The following SYNPR variants were observed in gnomAD, a reference collection of about 807,000 sequenced individuals.
SYNPR encodes synaptoporin.
SYNPR carries 23 observed loss-of-function variants against 32.9 expected under a neutral mutation model. The ratio of observed to expected loss-of-function variants is 0.70; its 90% CI spans 0.50 to 0.99. The LOEUF (loss-of-function observed/expected upper bound fraction) is 0.99, where lower values mean the gene tolerates loss of function less well. Among genes scored for constraint, SYNPR ranks in the 50% least tolerant of loss-of-function variants. The pLI is 0.00. For synonymous variants in SYNPR, 146 were observed against 135.9 expected (o/e 1.07, Z -0.52); for missense variants, 318 against 349.3 (o/e 0.91, Z 0.71).
At chr3:63,419,629 A>G (rs1223052477) in intron 2 of SYNPR, among the ~76,000 whole-genome samples, 2 of 152,228 alleles carry the variant, frequency 1.3e-5, no homozygotes, top group Non-Finnish European at 2.9e-5. Flanking sequence ...AAACTAAAAA[A>G]TCTAGCAACT....
chr3:63,468,930 T>C (rs1475036962), intron 2 of SYNPR, among the ~76,000 whole-genome samples: 3 of 152,332 alleles, frequency 2.0e-5, no homozygotes, highest in African/African-American at 7.2e-5. Context: ...AAGTGACATT[T>C]CTTTGCTTAA....
chr3:63,478,872 A>T (rs770575790), intron 2 of SYNPR, among the ~76,000 whole-genome samples: 1 of 152,216 alleles, frequency 6.6e-6, no homozygotes, highest in Non-Finnish European at 1.5e-5. Flanking sequence ...GGGTTGGGAC[A>T]TCCAGTGTTG....
At chr3:63,448,488 C>T (rs1257899435) in intron 2 of SYNPR, among the ~76,000 whole-genome samples, 2 of 152,198 alleles carry the variant, frequency 1.3e-5, no homozygotes, top group Non-Finnish European at 2.9e-5. Context: ...ATTCACTTCT[C>T]AATGTTGAAC....
At chr3:63,525,374 C>T (rs1416380603) in intron 3 of SYNPR, among the ~76,000 whole-genome samples, 1 of 152,200 alleles carries the variant, frequency 6.6e-6, no homozygotes, top group Non-Finnish European at 1.5e-5. Context: ...AGCCCCAAAT[C>T]TCTGCAGTTG....
At chr3:63,235,613 C>T (rs925708055) in intron 1 of SYNPR, among the ~76,000 whole-genome samples, 5 of 152,132 alleles carry the variant, frequency 3.3e-5, no homozygotes, top group East Asian at 1.9e-4. Context: ...CTTTGAACCA[C>T]GCATTGAGAT....
At chr3:63,338,148 T>C (rs2087318459) in intron 2 of SYNPR, among the ~76,000 whole-genome samples, 1 of 152,212 alleles carries the variant, frequency 6.6e-6, no homozygotes, top group Non-Finnish European at 1.5e-5. Context: ...CTGTACTTTC[T>C]GTTAAAATTT....
chr3:63,526,158 A>T (rs911749258), intron 3 of SYNPR, among the ~76,000 whole-genome samples: 1 of 152,220 alleles, frequency 6.6e-6, no homozygotes, highest in African/African-American at 2.4e-5. Context: ...TCCACTACCA[A>T]CATTGGGGAT....
At chr3:63,321,107 T>C (rs2087106802) in intron 2 of SYNPR, among the ~76,000 whole-genome samples, 1 of 152,080 alleles carries the variant, frequency 6.6e-6, no homozygotes, top group South Asian at 2.1e-4. Context: ...ACTACAATTT[T>C]AGTTTATACC....
chr3:63,371,233 C>T (rs975161918), intron 2 of SYNPR, among the ~76,000 whole-genome samples: 2 of 151,978 alleles, frequency 1.3e-5, no homozygotes, highest in Non-Finnish European at 2.9e-5. Context: ...CCCCTGTGAG[C>T]CCACCCCACA....
intron 3 of SYNPR, among the ~76,000 whole-genome samples, chr3:63,500,268 C>T (rs1321449382): frequency 6.6e-6 from 1 of 152,108 alleles, no homozygotes; most frequent in Non-Finnish European, 1.5e-5. Context: ...AAAGAGCAGT[C>T]CTCTATGCCT....
intron 2 of SYNPR, among the ~76,000 whole-genome samples, chr3:63,398,011 G>A (rs1028962314): frequency 1.3e-5 from 2 of 152,210 alleles, no homozygotes; most frequent in Non-Finnish European, 2.9e-5. Context: ...ATGGACAGAG[G>A]ATGGAAAAGC....
In SYNPR at chr3:63,403,147, C is replaced by T. The variant is rs139573526; in HGVS notation, c.85-77685C>T. On this transcript the variant is annotated intron_variant, in intron 2 of 5. Coordinates refer to ENST00000478300, the MANE Select transcript of SYNPR (RefSeq NM_001130003.2). ...AATTCTGTAGTTCCTCCCACTAAAGCGTATTTTCTTGCATCTTGTCTTTGT... is the reference window on the plus strand; with the variant it reads ...AATTCTGTAGTTCCTCCCACTAAAGTGTATTTTCTTGCATCTTGTCTTTGT... 2.7e-3 allele frequency among the ~76,000 whole-genome samples: 412 copies of T among 152,164 alleles called. 2 individuals are homozygous for T. The highest frequency in any genetic ancestry group is 9.0e-3 in the African/African-American group (373 of 41,510).
At chr3:63,372,687 T>C (rs953426059) in intron 2 of SYNPR, among the ~76,000 whole-genome samples, 1 of 152,170 alleles carries the variant, frequency 6.6e-6, no homozygotes, top group African/African-American at 2.4e-5. Context: ...TGAAAAGTCC[T>C]CTGCCACAAC....
intron 2 of SYNPR, among the ~76,000 whole-genome samples, chr3:63,369,122 C>T (rs2087765082): frequency 6.6e-6 from 1 of 152,058 alleles, no homozygotes; most frequent in South Asian, 2.1e-4. Context: ...GAACTTAATC[C>T]AATATGACTG....
At chr3:63,519,138 T>C (rs1016403800) in intron 3 of SYNPR, among the ~76,000 whole-genome samples, 14 of 152,202 alleles carry the variant, frequency 9.2e-5, no homozygotes, top group African/African-American at 3.1e-4. Context: ...ATTAGTTTTT[T>C]GATGTGCTGC....
At chr3:63,555,887 C>T (rs910280043) in intron 3 of SYNPR, among the ~76,000 whole-genome samples, 11 of 152,088 alleles carry the variant, frequency 7.2e-5, no homozygotes, top group African/African-American at 4.8e-5. Context: ...ATGAGTGCTA[C>T]GAATGACATT....
chr3:63,479,537 T>C (rs1424695310), intron 2 of SYNPR, among the ~76,000 whole-genome samples: 17 of 152,252 alleles, frequency 1.1e-4, no homozygotes, highest in Admixed American at 1.0e-3. Flanking sequence ...CAGCCAGTCT[T>C]TTTCTATTAA....
intron 4 of SYNPR, among the ~76,000 whole-genome samples, chr3:63,591,664 G>A (rs1361574238): frequency 1.5e-5 from 2 of 135,934 alleles, no homozygotes; most frequent in Non-Finnish European, 3.1e-5. Flanking sequence ...TAGGGACATG[G>A]ATGAAATTGG....
rs10559096 is a variant in SYNPR, at chr3:63,403,441, TACAC to T, written c.85-77365_85-77362del. ...ACATTCTCATACGTATGTATACACA[TACAC>T]ACACACACACACACACACACACACA... is the stretch of plus-strand genomic sequence containing the variant. On this transcript the variant is annotated intron_variant, in intron 2 of 5. Coordinates refer to ENST00000478300, the MANE Select transcript of SYNPR (RefSeq NM_001130003.2). Among the ~76,000 whole-genome samples, 1,342 of 145,982 alleles carry T rather than the reference TACAC, an allele frequency of 9.2e-3. 19 individuals carry two copies. The highest frequency in any genetic ancestry group is 0.028 in the African/African-American group (1,122 of 39,842).
Sources: gnomAD v4.1 joint callset for allele counts (sites outside exome capture counted in the v4.1 genomes callset) on GRCh38, gnomAD v4.1.1 for gene constraint, MANE v1.5 for transcripts, NCBI Gene and HGNC (gene_info 2026-07-23, HGNC 2026-07-21) for gene names.